ADK: variants seen among roughly 807,000 people sequenced by gnomAD.
ADK encodes N6,N6-dimethyladenosine kinase.
A neutral mutation model predicts 44.7 loss-of-function variants in ADK; 24 were observed. That is an observed-to-expected ratio of 0.54 (90% confidence interval 0.39 to 0.76). The LOEUF (loss-of-function observed/expected upper bound fraction) is 0.76, where lower values mean the gene tolerates loss of function less well. Ranked by LOEUF, ADK falls within the 30% of genes least tolerant of loss-of-function variation. The pLI is 0.00. For missense variants in ADK, 321 were observed against 425.1 expected (o/e 0.76, Z 2.15); for synonymous variants, 128 against 142.6 (o/e 0.90, Z 0.73).
chr10:74,422,162 A>T (rs563629119), intron 6 of ADK, among the ~76,000 whole-genome samples: 166 of 152,310 alleles, frequency 1.1e-3, no homozygotes, highest in African/African-American at 3.9e-3. Context: ...CACAAATGGG[A>T]AGTCATGCTG....
chr10:74,201,743 T>C (rs1843403179), intron 2 of ADK, among the ~76,000 whole-genome samples: 1 of 151,522 alleles, frequency 6.6e-6, no homozygotes, highest in African/African-American at 2.4e-5. Flanking sequence ...TATGGTTCAG[T>C]ACTATCCATG....
At position 74,682,873 on chromosome 10, in the gene ADK, C is replaced by G. The variant is rs544317400; in HGVS notation, c.964+12604C>G. ...ACAGGCATGAGCCACTGCTCCCAGCCTGGTTTTCATTATGCAAATACCTGC... is the reference window on the plus strand; with the variant it reads ...ACAGGCATGAGCCACTGCTCCCAGCGTGGTTTTCATTATGCAAATACCTGC... On this transcript the variant is annotated intron_variant, in intron 10 of 10. Transcript: ENST00000539909. 2.0e-5 allele frequency among the ~76,000 whole-genome samples: 3 copies of G among 152,310 alleles called. No individual in the cohort carries two copies. In the East Asian group the frequency reaches 5.8e-4, roughly 29 times the overall value.
intron 9 of ADK, among the ~76,000 whole-genome samples, chr10:74,649,044 G>A (rs1433182228): frequency 6.6e-6 from 1 of 152,008 alleles, no homozygotes; most frequent in African/African-American, 2.4e-5. Context: ...GCTGGGCGTG[G>A]TGGCACGCAG....
intron 1 of ADK, 88 bp downstream of exon 1, chr10:74,151,431 GGT>G: frequency 7.1e-7 from 1 of 1,415,558 alleles, no homozygotes; most frequent in Admixed American, 2.0e-5. Flanking sequence ...GACGCTGGGT[GGT>G]GTCTCTCACT....
At chr10:74,574,315 C>A (rs556883945) in intron 7 of ADK, among the ~76,000 whole-genome samples, 1 of 152,052 alleles carries the variant, frequency 6.6e-6, no homozygotes, top group African/African-American at 2.4e-5. Flanking sequence ...GGACTACAGG[C>A]GCATGCCACC....
chr10:74,448,337 A>C (rs1349953492), intron 6 of ADK, among the ~76,000 whole-genome samples: 1 of 152,058 alleles, frequency 6.6e-6, no homozygotes, highest in Non-Finnish European at 1.5e-5. Context: ...TGATTATGCC[A>C]CCTATTAGCC....
intron 7 of ADK, among the ~76,000 whole-genome samples, chr10:74,567,763 A>T (rs1195727193): frequency 7.2e-6 from 1 of 139,010 alleles, no homozygotes; most frequent in Non-Finnish European, 1.5e-5. Context: ...CAGTGGCGCG[A>T]TCTCAGCTCA....
rs576494284 is a variant in ADK at position 74,669,764 on chromosome 10, A to G, written c.878-419A>G. On this transcript the variant is annotated intron_variant, in intron 9 of 10. Transcript: ENST00000539909. ...TTATTTATATTTTTTTAAATTTACA[A>G]CTCTTTAACTGTATCCAACATTTCA... 9.9e-5 allele frequency among the ~76,000 whole-genome samples: 15 copies of G among 152,210 alleles called. No individual in the cohort carries two copies. The South Asian group carries it at 3.1e-3, about 32-fold the overall frequency.
chr10:74,287,165 G>A (rs16931332), intron 3 of ADK, among the ~76,000 whole-genome samples: 22,515 of 151,910 alleles, frequency 0.15, 2,106 homozygotes, highest in East Asian at 0.26. Flanking sequence ...GGATATGATC[G>A]CTCAAGATAA....
At position 74,708,511 on chromosome 10, in the gene ADK, ATAT is replaced by A; in HGVS notation, c.*69_*71del. On this transcript the variant is annotated 3_prime_UTR_variant, in exon 11 of 11. Transcript: ENST00000539909. ...CCCTAATTGCTTCCTGAGAATTCCCATATTAATAAAGAAGAAAATTATCTGCCA... is the reference window on the plus strand; with the variant it reads ...CCCTAATTGCTTCCTGAGAATTCCCATAATAAAGAAGAAAATTATCTGCCA... 1.3e-6 allele frequency: 2 copies of A among 1,566,828 alleles called. No homozygotes were observed. The highest frequency in any genetic ancestry group is 1.7e-6 in the Non-Finnish European group (2 of 1,155,134).
At chr10:74,605,181 A>C (rs929544488) in intron 9 of ADK, among the ~76,000 whole-genome samples, 2 of 152,224 alleles carry the variant, frequency 1.3e-5, no homozygotes, top group African/African-American at 4.8e-5. Flanking sequence ...CAGTCATGTC[A>C]TCTGCAGACA....
intron 4 of ADK, among the ~76,000 whole-genome samples, chr10:74,323,966 C>G (rs1840914565): frequency 6.6e-6 from 1 of 152,134 alleles, no homozygotes; most frequent in South Asian, 2.1e-4. Context: ...CATTCAACCC[C>G]TTGGCCCCAG....
intron 6 of ADK, among the ~76,000 whole-genome samples, chr10:74,455,878 C>T (rs1400917684): frequency 6.6e-6 from 1 of 152,096 alleles, no homozygotes; most frequent in Non-Finnish European, 1.5e-5. Flanking sequence ...GCTGTTAGTC[C>T]CATGGGCTTC....
chr10:74,248,107 T>C (rs1845496933), intron 3 of ADK, among the ~76,000 whole-genome samples: 1 of 152,240 alleles, frequency 6.6e-6, no homozygotes, highest in African/African-American at 2.4e-5. Context: ...CAAAGAAAGA[T>C]AATTAGGATA....
chr10:74,489,189 T>C lies in ADK; in HGVS notation c.556-36067T>C, dbSNP rs1438922342. ...GCCTTTTATATTAAAAGAAAGTTCA[T>C]ATGGAACACTCTGCTTATATGCTTC... On this transcript the variant is annotated intron_variant, in intron 6 of 10. Coordinates refer to ENST00000539909, the MANE Select transcript of ADK (RefSeq NM_006721.4). Among the ~76,000 whole-genome samples, 6 of 152,062 alleles carry C rather than the reference T, an allele frequency of 3.9e-5. No homozygotes were observed. In the East Asian group the frequency reaches 1.2e-3, roughly 29 times the overall value.
At chr10:74,247,224 G>GTTTTTTTTTTTTTT (rs142274121) in intron 3 of ADK, among the ~76,000 whole-genome samples, 3 of 72,004 alleles carry the variant, frequency 4.2e-5, no homozygotes, top group Non-Finnish European at 7.0e-5. Flanking sequence ...TTTTTTTTAA[G>GTTTTTTTTTTTTTT]TTTTTTTTTT....
chr10:74,655,249 A>T (rs1034378535), intron 9 of ADK: 9 of 438,400 alleles, frequency 2.1e-5, no homozygotes, highest in Non-Finnish European at 3.9e-5. Flanking sequence ...GGATGAGGCC[A>T]CCCAGAAGTG....
At chr10:74,418,453 A>T (rs1337938085) in intron 6 of ADK, among the ~76,000 whole-genome samples, 2 of 152,200 alleles carry the variant, frequency 1.3e-5, no homozygotes, top group Admixed American at 6.5e-5. Flanking sequence ...TTTTTCACAA[A>T]GAAAATGTTG....
intron 9 of ADK, among the ~76,000 whole-genome samples, chr10:74,668,331 A>G (rs968476803): frequency 6.6e-6 from 1 of 152,102 alleles, no homozygotes; most frequent in Non-Finnish European, 1.5e-5. Context: ...TTTGTGCTAT[A>G]TATACTCTCT....
Sources: allele counts gnomAD v4.1 joint callset (sites outside exome capture counted in the v4.1 genomes callset), GRCh38; gene constraint gnomAD v4.1.1; transcripts MANE v1.5; gene names NCBI Gene and HGNC (gene_info 2026-07-23, HGNC 2026-07-21).